ANKHD1: variants seen among roughly 807,000 people sequenced by gnomAD.
ANKHD1 encodes ankyrin repeat and KH domain containing 1.
A neutral mutation model predicts 230.5 loss-of-function variants in ANKHD1; 31 were observed. The ratio of observed to expected loss-of-function variants is 0.13; its 90% CI spans 0.10 to 0.18. The LOEUF (loss-of-function observed/expected upper bound fraction) is 0.18, where lower values mean the gene tolerates loss of function less well. Among genes scored for constraint, ANKHD1 ranks in the 10% least tolerant of loss-of-function variants. The pLI, the probability that ANKHD1 is intolerant of heterozygous loss-of-function variation, is 1.00. For synonymous variants in ANKHD1, 1,074 were observed against 1,117.6 expected (o/e 0.96, Z 0.78); for missense variants, 2,256 against 3,071.3 (o/e 0.73, Z 6.27).
chr5:140,537,645 C>T, intron 31 of ANKHD1, 56 bp downstream of exon 31: 1 of 1,474,264 alleles, frequency 6.8e-7, no homozygotes, highest in Non-Finnish European at 9.0e-7. Context: ...TGTAGGTTTG[C>T]CATTAAAACT....
At chr5:140,453,568 T>G (rs1400564363) in intron 7 of ANKHD1, among the ~76,000 whole-genome samples, 1 of 152,142 alleles carries the variant, frequency 6.6e-6, no homozygotes, top group Non-Finnish European at 1.5e-5. Context: ...TCAACATTCT[T>G]AAAGAAAAGA....
At chr5:140,417,568 C>A (rs1406712866) in intron 1 of ANKHD1, among the ~76,000 whole-genome samples, 1 of 151,962 alleles carries the variant, frequency 6.6e-6, no homozygotes, top group Admixed American at 6.6e-5. Context: ...CCCACCTCGG[C>A]CTCCTAAGTA....
intron 5 of ANKHD1, among the ~76,000 whole-genome samples, chr5:140,443,122 G>A (rs1293573261): frequency 1.3e-5 from 2 of 151,718 alleles, no homozygotes; most frequent in Admixed American, 1.3e-4. Flanking sequence ...AGCCAGGATG[G>A]TCTCGATCTC....
chr5:140,446,113 TAGAA>T (rs1774258297), intron 6 of ANKHD1, 138 bp downstream of exon 6: 1 of 867,254 alleles, frequency 1.2e-6, no homozygotes, highest in African/African-American at 1.7e-5. Flanking sequence ...AGAAATTATA[TAGAA>T]AGTCTATTTT....
chr5:140,413,081 A>G (rs190234110), intron 1 of ANKHD1, among the ~76,000 whole-genome samples: 1 of 152,328 alleles, frequency 6.6e-6, no homozygotes, highest in Admixed American at 6.5e-5. Context: ...GAAAAGAGAA[A>G]GGCAAGTATA....
At chr5:140,515,986 T>A (rs1752987604) in intron 24 of ANKHD1, among the ~76,000 whole-genome samples, 2 of 152,056 alleles carry the variant, frequency 1.3e-5, no homozygotes, top group African/African-American at 4.8e-5. Flanking sequence ...CCTCAGACGA[T>A]CAAATTACTC....
intron 14 of ANKHD1, among the ~76,000 whole-genome samples, chr5:140,494,375 G>A (rs1751935004): frequency 6.6e-6 from 1 of 152,094 alleles, no homozygotes; most frequent in African/African-American, 2.4e-5. Context: ...GGAAGGCTGA[G>A]GCTGGAGAAT....
chr5:140,512,795 C>T lies in ANKHD1; in HGVS notation c.4105-33C>T, dbSNP rs185656503. 2.5e-3 allele frequency: 3,869 copies of T among 1,532,346 alleles called. 18 individuals carry two copies. The highest frequency in any genetic ancestry group is 2.3e-3 in the Non-Finnish European group (2,631 of 1,140,838). The allele number at this position is 1,532,346 out of a possible 1,614,324, so 94.9% of individuals were successfully genotyped here. On this transcript the variant is annotated intron_variant, in intron 22 of 33. Coordinates refer to ENST00000360839, the MANE Select transcript of ANKHD1 (RefSeq NM_017747.3). ...AAGAATAATAATTTTTCTTTTCATG[C>T]TACCTTGTCTAAGATTGTTGTACTT...
intron 5 of ANKHD1, 56 bp from the exon 6 acceptor site, chr5:140,445,686 T>C: frequency 7.6e-7 from 1 of 1,318,030 alleles, no homozygotes; most frequent in Non-Finnish European, 9.8e-7. Flanking sequence ...TTATTTATTT[T>C]TATTTTTTAA....
Position 140,459,371 on chromosome 5 carries a change from A to T in ANKHD1, c.1672+16A>T. ...CTGGCTTCTGGTATGTGGCTTTAAG[A>T]TGCCTTATTGCTCAGAAAGACAAAT... On this transcript the variant is annotated intron_variant, in intron 9 of 33. Coordinates refer to ENST00000360839, the MANE Select transcript of ANKHD1 (RefSeq NM_017747.3). 6.5e-7 allele frequency: 1 copy of T among 1,537,204 alleles called. No individual in the cohort carries two copies. The highest frequency in any genetic ancestry group is 8.8e-7 in the Non-Finnish European group (1 of 1,134,362).
At chr5:140,472,312 A>G in intron 10 of ANKHD1, 2 of 1,613,324 alleles carry the variant, frequency 1.2e-6, no homozygotes, top group South Asian at 1.1e-5. Flanking sequence ...GTGGCCTTTG[A>G]TGCTTGTAAG....
chr5:140,466,401 A>G (rs577519187), intron 10 of ANKHD1, among the ~76,000 whole-genome samples: 62 of 152,128 alleles, frequency 4.1e-4, no homozygotes, highest in African/African-American at 1.4e-3. Context: ...TCAAAAAAAA[A>G]AAAAAGAAAA....
At chr5:140,441,922 A>T (rs1773879992) in intron 5 of ANKHD1, among the ~76,000 whole-genome samples, 1 of 151,920 alleles carries the variant, frequency 6.6e-6, no homozygotes, top group African/African-American at 2.4e-5. Context: ...TGTATTTCTT[A>T]TAATTCTTTA....
rs551667487 is a variant in ANKHD1 at position 140,514,347 on chromosome 5, A to C, written c.4317+868A>C. On this transcript the variant is annotated intron_variant, in intron 24 of 33. Transcript: ENST00000360839. Reference sequence around the variant, plus strand: ...CCATCTCTACAAAAAACAAAAAATTAGCCAGGCATGGTGGCAGGTGCCTGT... The same window carrying C: ...CCATCTCTACAAAAAACAAAAAATTCGCCAGGCATGGTGGCAGGTGCCTGT... Among the ~76,000 whole-genome samples the C allele has an allele frequency of 8.6e-5, 13 of 151,732 alleles. No homozygotes were observed. The East Asian group carries it at 2.0e-3, about 23-fold the overall frequency.
At chr5:140,430,922 C>T (rs916541463) in intron 1 of ANKHD1, among the ~76,000 whole-genome samples, 21 of 152,268 alleles carry the variant, frequency 1.4e-4, no homozygotes, top group African/African-American at 5.1e-4. Flanking sequence ...CCCTCAGTCT[C>T]CCAAAGTGTT....
At chr5:140,438,869 A>G (rs1022602786) in intron 3 of ANKHD1, among the ~76,000 whole-genome samples, 1 of 152,224 alleles carries the variant, frequency 6.6e-6, no homozygotes, top group African/African-American at 2.4e-5. Flanking sequence ...GAGAAATCCA[A>G]ACTGAATAAG....
In ANKHD1 at chr5:140,535,363, G is replaced by T. The variant is rs1435700716; in HGVS notation, c.6852G>T (p.Gly2284=). ...PSQRVSTSPV[G]LPSIDPSGSS... ...TGTCTTGGACCTGTTTTATTTCAGG[G>T]TTACCATCCATTGACCCATCAGGCA... The change falls in exon 30 of 34, where the codon GGG becomes GGT. Residue 2284 remains glycine, a splice_region_variant and synonymous_variant. Transcript: ENST00000360839. 7 of 1,591,392 alleles carry T rather than the reference G, an allele frequency of 4.4e-6. No individual in the cohort carries two copies. The highest frequency in any genetic ancestry group is 3.7e-5 in the Admixed American group (2 of 54,418).
intron 3 of ANKHD1, 90 bp from the exon 4 acceptor site, chr5:140,440,029 C>A: frequency 7.4e-7 from 1 of 1,342,614 alleles, no homozygotes; most frequent in Non-Finnish European, 9.6e-7. Context: ...TAACATTTTT[C>A]TTTGTGTGAC....
Position 140,485,950 on chromosome 5 carries a change from C to G in ANKHD1, c.2142+218C>G. The G allele has an allele frequency of 1.7e-6, 1 of 585,090 alleles. No individual in the cohort carries two copies. The highest frequency in any genetic ancestry group is 2.8e-5 in the South Asian group (1 of 35,340). 36.2% of individuals were successfully genotyped at this position (585,090 alleles called of 1,614,324 possible). ...TGAGAATAGTGGTTTTTAAAAACCA[C>G]TTAATATCAAATATAAACGTAAGTA... On this transcript the variant is annotated intron_variant, in intron 13 of 33. Coordinates refer to ENST00000360839, the MANE Select transcript of ANKHD1 (RefSeq NM_017747.3). The surrounding 1 kb of genome is among the most constrained non-coding windows in gnomAD (Gnocchi z 4.8).
Sources: allele counts gnomAD v4.1 joint callset (sites outside exome capture counted in the v4.1 genomes callset), GRCh38; gene constraint gnomAD v4.1.1; non-coding constraint Gnocchi (gnomAD v3.1); transcripts MANE v1.5; gene names NCBI Gene and HGNC (gene_info 2026-07-23, HGNC 2026-07-21).